Variants in ZNF423 observed in about 807,000 individuals in gnomAD.
ZNF423 encodes the protein Ebf-associated zinc finger protein.
In ZNF423, 12 loss-of-function variants were observed where a neutral mutation model predicts 95.8. The observed-to-expected ratio is 0.13, with a 90% CI of 0.08 to 0.20. The LOEUF (loss-of-function observed/expected upper bound fraction) is 0.20. Among genes scored for constraint, ZNF423 ranks in the 10% least tolerant of loss-of-function variants. ZNF423 has a pLI of 1.00. For missense variants in ZNF423, 1,316 were observed against 1,737.1 expected, an observed-to-expected ratio of 0.76 and a Z score of 4.31; for synonymous variants, 749 against 711.9, an observed-to-expected ratio of 1.05 and a Z score of -0.83.
At chr16:49,617,550 C>T (rs1971919817) in intron 5 of ZNF423, among the ~76,000 whole-genome samples, 1 of 152,196 alleles carries the variant, frequency 6.6e-6, no homozygotes, top group Non-Finnish European at 1.5e-5. Context: ...GGCTCCAGTG[C>T]CAGCCCCTCC....
intron 3 of ZNF423, among the ~76,000 whole-genome samples, chr16:49,688,614 A>T (rs2031660992): frequency 6.6e-6 from 1 of 152,268 alleles, no homozygotes; most frequent in African/African-American, 2.4e-5. Flanking sequence ...TGACCAAAAC[A>T]GCGGTACATT....
chr16:49,822,602 A>G (rs1436157014), intron 1 of ZNF423: 3 of 1,331,298 alleles, frequency 2.3e-6, no homozygotes, highest in Non-Finnish European at 3.1e-6. Context: ...ACTAAGCTCT[A>G]GTTCGAGCTC....
intron 1 of ZNF423, among the ~76,000 whole-genome samples, chr16:49,834,938 G>A (rs1478392750): frequency 6.6e-6 from 1 of 151,938 alleles, no homozygotes; most frequent in Non-Finnish European, 1.5e-5. Context: ...AGGGGGAGGG[G>A]ACCAGGGGAA....
chr16:49,821,759 G>C (rs973924131), intron 1 of ZNF423, among the ~76,000 whole-genome samples: 1 of 152,148 alleles, frequency 6.6e-6, no homozygotes, highest in Non-Finnish European at 1.5e-5. Context: ...GGCCGAGCCT[G>C]GCTGTCACTC....
intron 1 of ZNF423, among the ~76,000 whole-genome samples, chr16:49,817,699 A>G (rs934976357): frequency 3.9e-5 from 6 of 152,144 alleles, no homozygotes; most frequent in Non-Finnish European, 8.8e-5. Context: ...AGAACAAAGA[A>G]AACTCAGTAA....
chr16:49,834,340 G>C (rs2035093816), intron 1 of ZNF423, among the ~76,000 whole-genome samples: 1 of 152,096 alleles, frequency 6.6e-6, no homozygotes. Flanking sequence ...GCAGTCCTGG[G>C]AACACAGGCG....
chr16:49,621,518 G>A (rs1356413175), intron 5 of ZNF423, among the ~76,000 whole-genome samples: 3 of 152,220 alleles, frequency 2.0e-5, no homozygotes, highest in South Asian at 2.1e-4. Context: ...TTACCGCCCC[G>A]CAGGGGAGCT....
rs2144142011 is a variant in ZNF423, at chr16:49,855,557, T to TTCCTCCTCCCCCTCCTCCGCC, written c.40+157_40+177dup. The stretch of plus-strand genomic sequence containing the variant: ...GCCGCCTCCGCCTCCTGCTCCCGGC[T>TTCCTCCTCCCCCTCCTCCGCC]TCCTCCTCCCCCTCCTCCGCCTCCG... On this transcript the variant is annotated intron_variant, in intron 1 of 7. Transcript: ENST00000563137. The surrounding 1 kb of genome is among the most constrained non-coding windows in gnomAD (Gnocchi z 4.7). 7.5e-6 allele frequency among the ~76,000 whole-genome samples: 1 copy of TTCCTCCTCCCCCTCCTCCGCC among 133,876 alleles called. No individual in the cohort carries two copies. Among genetic ancestry groups the TTCCTCCTCCCCCTCCTCCGCC allele is most frequent in the African/African-American group, 2.9e-5 (1 of 34,778 alleles). The allele number at this position is 133,876 out of a possible 152,430, so 87.8% of individuals were successfully genotyped here.
intron 1 of ZNF423, among the ~76,000 whole-genome samples, chr16:49,795,966 C>T (rs927423472): frequency 9.2e-5 from 14 of 152,122 alleles, no homozygotes; most frequent in African/African-American, 1.4e-4. Context: ...CCTTAGAGGG[C>T]GCCTGCTTGG....
intron 5 of ZNF423, among the ~76,000 whole-genome samples, chr16:49,542,484 C>G (rs570866549): frequency 6.6e-6 from 1 of 152,370 alleles, no homozygotes; most frequent in Admixed American, 6.5e-5. Flanking sequence ...TCATCATCCA[C>G]TCTCGTACCT....
In ZNF423 at chr16:49,648,510, C is replaced by T. The variant is rs200567589; in HGVS notation, c.302-9636G>A. Reference sequence around the variant, plus strand: ...TACAAAAATTAGCTGGGCATGGTGGCACATGCCTGTAATTCCAGGTACTCC... The same window carrying T: ...TACAAAAATTAGCTGGGCATGGTGGTACATGCCTGTAATTCCAGGTACTCC... On this transcript the variant is annotated intron_variant, in intron 3 of 7. Coordinates refer to ENST00000563137, the MANE Select transcript of ZNF423 (RefSeq NM_001379286.1). Among the ~76,000 whole-genome samples the T allele has an allele frequency of 1.1e-4, 17 of 152,062 alleles. No individual in the cohort carries two copies. The East Asian group carries it at 3.1e-3, about 28-fold the overall frequency.
intron 3 of ZNF423, among the ~76,000 whole-genome samples, chr16:49,681,361 C>G (rs978029977): frequency 3.3e-5 from 5 of 152,214 alleles, no homozygotes; most frequent in Non-Finnish European, 7.3e-5. Flanking sequence ...CTTTTGGCAG[C>G]TTTCTTCCCC....
intron 1 of ZNF423, among the ~76,000 whole-genome samples, chr16:49,809,427 A>C (rs1371879617): frequency 6.6e-6 from 1 of 152,138 alleles, no homozygotes; most frequent in Non-Finnish European, 1.5e-5. Context: ...CAGCAGGTTC[A>C]ATCTCCCCAC....
At chr16:49,685,197 G>A (rs1383797800) in intron 3 of ZNF423, among the ~76,000 whole-genome samples, 1 of 152,180 alleles carries the variant, frequency 6.6e-6, no homozygotes, top group Non-Finnish European at 1.5e-5. Context: ...TGGAGGAGGA[G>A]GCAGCCCAGG....
chr16:49,655,153 T>C (rs1346906937), intron 3 of ZNF423, among the ~76,000 whole-genome samples: 1 of 152,024 alleles, frequency 6.6e-6, no homozygotes, highest in South Asian at 2.1e-4. Flanking sequence ...GGAGAAGCAA[T>C]GGCGGGAGCC....
rs1970571688 is a variant in ZNF423, at chr16:49,578,594, C to T, written c.3601+47576G>A. ...CCTCTCGCCCTCTCCTTCTCTCTCC[C>T]ACCTCTTCCTTTCTGCCTGGTGCAT... is the stretch of plus-strand genomic sequence containing the variant. On this transcript the variant is annotated intron_variant, in intron 5 of 7. Coordinates refer to ENST00000563137, the MANE Select transcript of ZNF423 (RefSeq NM_001379286.1). Among the ~76,000 whole-genome samples, 17 of 152,186 alleles carry T rather than the reference C, an allele frequency of 1.1e-4. 1 individual carries two copies. Among genetic ancestry groups the T allele is most frequent in the Admixed American group, 1.1e-3 (17 of 15,290 alleles).
In ZNF423 at chr16:49,635,553, T is replaced by C. The variant is rs1596754606; in HGVS notation, c.3516+107A>G. 7.0e-7 allele frequency: 1 copy of C among 1,428,174 alleles called. No homozygotes were observed. Among genetic ancestry groups the C allele is most frequent in the Non-Finnish European group, 9.3e-7 (1 of 1,074,024 alleles). 88.5% of individuals were successfully genotyped at this position (1,428,174 alleles called of 1,614,324 possible). A position where few individuals can be genotyped will look rare whatever the true frequency, so the allele number is the denominator to read the frequency against. On this transcript the variant is annotated intron_variant, in intron 4 of 7. Transcript: ENST00000563137. The surrounding 1 kb of genome is among the most constrained non-coding windows in gnomAD (Gnocchi z 4.8). ...GCAGTTCTGTTTTGCCACTGCGCGA[T>C]AGCGCCGCTTCTTGGAAACACGGCA...
chr16:49,849,242 T>C (rs985147301), intron 1 of ZNF423, among the ~76,000 whole-genome samples: 4 of 152,154 alleles, frequency 2.6e-5, no homozygotes, highest in East Asian at 1.9e-4. Context: ...CATGACGTCA[T>C]TCAGGATCCC....
rs575402199 is a variant in ZNF423, at chr16:49,780,935, G to T, written c.100+8552C>A. Among the ~76,000 whole-genome samples, 3 of 152,348 alleles carry T rather than the reference G, an allele frequency of 2.0e-5. No homozygotes were observed. In the East Asian group the frequency reaches 5.8e-4, roughly 29 times the overall value. On this transcript the variant is annotated intron_variant, in intron 2 of 7. Transcript: ENST00000563137. ...CATCAAGAAGATGATTGGGTTGAGGGCTCAAGCACAAAAGGTGGACGCCAC... is the reference window on the plus strand; with the variant it reads ...CATCAAGAAGATGATTGGGTTGAGGTCTCAAGCACAAAAGGTGGACGCCAC...
Sources: gnomAD v4.1 joint callset for allele counts (sites outside exome capture counted in the v4.1 genomes callset) on GRCh38, gnomAD v4.1.1 for gene constraint, Gnocchi (gnomAD v3.1) non-coding constraint, MANE v1.5 for transcripts, NCBI Gene and HGNC (gene_info 2026-07-23, HGNC 2026-07-21) for gene names.